The following PTBP3 variants were observed in gnomAD, a reference collection of about 807,000 sequenced individuals.
PTBP3 encodes the protein polypyrimidine tract-binding protein 3.
A neutral mutation model predicts 58.7 loss-of-function variants in PTBP3; 20 were observed. The observed-to-expected ratio is 0.34, with a 90% CI of 0.24 to 0.50. The LOEUF (loss-of-function observed/expected upper bound fraction) is 0.50. Among genes scored for constraint, PTBP3 ranks in the 20% least tolerant of loss-of-function variants. The probability of loss-of-function intolerance (pLI) is 0.98; values close to 1 mark genes in which losing one functional copy is unlikely to be tolerated. For synonymous variants in PTBP3, 185 were observed against 219.8 expected, an observed-to-expected ratio of 0.84 and a Z score of 1.40; for missense variants, 509 against 637.2, an observed-to-expected ratio of 0.80 and a Z score of 2.17.
At chr9:112,338,673 G>A in the PTBP3 span, among the ~76,000 whole-genome samples, 2 of 152,204 alleles carry the variant, frequency 1.3e-5, no homozygotes, top group South Asian at 2.1e-4. Context: ...GACTCTGACC[G>A]ACTCTGCCCA....
intron 7 of PTBP3, among the ~76,000 whole-genome samples, chr9:112,243,167 T>G (rs1835731260): frequency 6.7e-6 from 1 of 149,446 alleles, no homozygotes; most frequent in Non-Finnish European, 1.5e-5. Context: ...GCAGCTCTAC[T>G]CTAAATGCTT....
chr9:112,282,650 T>G (rs1163394838), intron 2 of PTBP3, among the ~76,000 whole-genome samples: 1 of 152,182 alleles, frequency 6.6e-6, no homozygotes, highest in Non-Finnish European at 1.5e-5. Flanking sequence ...TTTATTTTTT[T>G]TTTTACTATT....
In PTBP3 at chr9:112,222,594, T is replaced by G; in HGVS notation, c.*1257A>C. 4.1e-6 allele frequency: 4 copies of G among 985,684 alleles called. No homozygotes were observed. The highest frequency in any genetic ancestry group is 4.8e-6 in the Non-Finnish European group (4 of 829,902). The allele number at this position is 985,684 out of a possible 1,614,324, so 61.1% of individuals were successfully genotyped here. A position where few individuals can be genotyped will look rare whatever the true frequency, so the allele number is the denominator to read the frequency against. ...AATTATTCCCAAAACCATTCACCCT[T>G]CCCCACACCGTCTCTGCACCAAGCA... On this transcript the variant is annotated 3_prime_UTR_variant, in exon 14 of 14. Coordinates refer to ENST00000374257, the MANE Select transcript of PTBP3 (RefSeq NM_001163788.4).
At chr9:112,262,022 T>C (rs1836618217) in intron 5 of PTBP3, among the ~76,000 whole-genome samples, 1 of 152,220 alleles carries the variant, frequency 6.6e-6, no homozygotes, top group Non-Finnish European at 1.5e-5. Flanking sequence ...GGTATATTCA[T>C]ATTACACATG....
chr9:112,308,679 T>C (rs1005935226), intron 1 of PTBP3, among the ~76,000 whole-genome samples: 1 of 152,088 alleles, frequency 6.6e-6, no homozygotes, highest in Non-Finnish European at 1.5e-5. Flanking sequence ...AACAAATTAA[T>C]GTATACAAAA....
At chr9:112,349,597 A>G in the PTBP3 span, among the ~76,000 whole-genome samples, 4 of 152,036 alleles carry the variant, frequency 2.6e-5, no homozygotes, top group Admixed American at 1.3e-4. Flanking sequence ...GGTGGCTCAC[A>G]CTAGTAATCC....
intron 7 of PTBP3, among the ~76,000 whole-genome samples, chr9:112,244,002 TAAG>T (rs1408703712): frequency 6.6e-6 from 1 of 151,848 alleles, no homozygotes; most frequent in Non-Finnish European, 1.5e-5. Flanking sequence ...AAAGTAAAAG[TAAG>T]AAGTTCTCAG....
chr9:112,334,977 T>C (rs1405864407), upstream of PTBP3, among the ~76,000 whole-genome samples: 1 of 152,236 alleles, frequency 6.6e-6, no homozygotes, highest in African/African-American at 2.4e-5. Context: ...TAAATCTAAA[T>C]ATTAAGTTGC....
Position 112,220,001 on chromosome 9 carries a change from ATAG to A in PTBP3, c.*3847_*3849del, listed in dbSNP as rs1340097508. 9 of 874,788 alleles carry A rather than the reference ATAG, an allele frequency of 1.0e-5. No homozygotes were observed. In the East Asian group the frequency reaches 7.1e-4, roughly 69 times the overall value. 54.2% of individuals were successfully genotyped at this position (874,788 alleles called of 1,614,324 possible). On this transcript the variant is annotated 3_prime_UTR_variant, in exon 14 of 14. Coordinates refer to ENST00000374257, the MANE Select transcript of PTBP3 (RefSeq NM_001163788.4). The stretch of plus-strand genomic sequence containing the variant: ...TCTAAATTGTATTTCTTTCAGCACA[ATAG>A]TAGAGTATTTTGAGTCTGGCAGTTT...
chr9:112,252,545 T>C, intron 6 of PTBP3, 133 bp downstream of exon 6: 1 of 682,534 alleles, frequency 1.5e-6, no homozygotes, highest in Non-Finnish European at 2.5e-6. Context: ...AATCATACAC[T>C]TTAAAACGAC....
intron 11 of PTBP3, 75 bp from the exon 12 acceptor site, chr9:112,227,702 T>A: frequency 8.9e-7 from 1 of 1,125,410 alleles, no homozygotes; most frequent in Non-Finnish European, 1.3e-6. Context: ...AACATTACCA[T>A]AAATTATTTT....
the PTBP3 span, among the ~76,000 whole-genome samples, chr9:112,346,883 C>A: frequency 6.6e-6 from 1 of 152,108 alleles, no homozygotes; most frequent in Non-Finnish European, 1.5e-5. Flanking sequence ...GCCACCACAC[C>A]CAGTTAATTT....
the PTBP3 span, among the ~76,000 whole-genome samples, chr9:112,378,021 A>G: frequency 3.3e-5 from 5 of 152,190 alleles, no homozygotes; most frequent in Non-Finnish European, 5.9e-5. Context: ...TCTACTCACA[A>G]ACTATTCTTC....
chr9:112,257,194 T>C (rs1016437238), intron 5 of PTBP3, among the ~76,000 whole-genome samples: 1 of 152,186 alleles, frequency 6.6e-6, no homozygotes, highest in Non-Finnish European at 1.5e-5. Flanking sequence ...TAACCAGCAA[T>C]AGCACTCTAG....
At chr9:112,259,896 C>T (rs1365620768) in intron 5 of PTBP3, among the ~76,000 whole-genome samples, 1 of 152,184 alleles carries the variant, frequency 6.6e-6, no homozygotes, top group Non-Finnish European at 1.5e-5. Flanking sequence ...TCTTACATTG[C>T]TCTTTACTAG....
intron 5 of PTBP3, among the ~76,000 whole-genome samples, chr9:112,258,922 C>A (rs183923579): frequency 2.8e-4 from 43 of 152,244 alleles, no homozygotes; most frequent in Non-Finnish European, 5.4e-4. Flanking sequence ...TGAAGTAGGA[C>A]AAGAGCCTCC....
At chr9:112,343,124 T>G in the PTBP3 span, among the ~76,000 whole-genome samples, 1 of 152,156 alleles carries the variant, frequency 6.6e-6, no homozygotes, top group African/African-American at 2.4e-5. Flanking sequence ...AGGCTCATTT[T>G]GAGGACAGAA....
chr9:112,371,419 G>T, the PTBP3 span, among the ~76,000 whole-genome samples: 1 of 152,038 alleles, frequency 6.6e-6, no homozygotes. Context: ...GATTTTTCAC[G>T]TGAACCCCTA....
chr9:112,372,398 TA>T, the PTBP3 span, among the ~76,000 whole-genome samples: 1 of 152,126 alleles, frequency 6.6e-6, no homozygotes. Context: ...TTTTTTTGTT[TA>T]AAAAAACGAG....
Sources: allele counts gnomAD v4.1 joint callset (sites outside exome capture counted in the v4.1 genomes callset), GRCh38; gene constraint gnomAD v4.1.1; transcripts MANE v1.5; gene names NCBI Gene and HGNC (gene_info 2026-07-23, HGNC 2026-07-21).